The following RBFOX1 variants were observed in gnomAD, a reference collection of about 807,000 sequenced individuals.
RBFOX1 encodes RNA binding protein fox-1 homolog 1.
RBFOX1 carries 8 observed loss-of-function variants against 57.7 expected under a neutral mutation model. The observed-to-expected ratio is 0.14, with a 90% confidence interval of 0.08 to 0.25. RBFOX1 has a LOEUF of 0.25. RBFOX1 is among the 10% of genes least tolerant of loss of function. RBFOX1 has a pLI of 1.00. For synonymous variants in RBFOX1, 326 were observed against 222.4 expected, an observed-to-expected ratio of 1.47 and a Z score of -4.15; for missense variants, 611 against 548.5, an observed-to-expected ratio of 1.11 and a Z score of -1.14.
chr16:5,698,667 T>C (rs1267570808), intron 3 of RBFOX1, among the ~76,000 whole-genome samples: 2 of 152,192 alleles, frequency 1.3e-5, no homozygotes, highest in African/African-American at 4.8e-5. Context: ...AGCAATACTG[T>C]TCACCAGGGC....
chr16:5,498,821 C>T (rs1329030283), intron 2 of RBFOX1, among the ~76,000 whole-genome samples: 1 of 152,244 alleles, frequency 6.6e-6, no homozygotes, highest in African/African-American at 2.4e-5. Context: ...ACTCCCTCCC[C>T]TCCTATTATC....
intron 4 of RBFOX1, among the ~76,000 whole-genome samples, chr16:7,180,594 T>G (rs576254491): frequency 1.3e-5 from 2 of 152,266 alleles, no homozygotes; most frequent in East Asian, 3.9e-4. Context: ...TTTTCTTCCC[T>G]TTTCTGTAAA....
At chr16:6,959,341 A>G (rs757833442) in intron 3 of RBFOX1, among the ~76,000 whole-genome samples, 12 of 152,192 alleles carry the variant, frequency 7.9e-5, no homozygotes, top group Admixed American at 4.6e-4. Context: ...TATTGTTTTC[A>G]ATACATCTGA....
rs116020991 is a variant in RBFOX1, at chr16:6,797,977, T to C, written c.-16+143327T>C. 9.6e-3 allele frequency among the ~76,000 whole-genome samples: 1,460 copies of C among 152,182 alleles called. 24 individuals are homozygous for C. The highest frequency in any genetic ancestry group is 0.034 in the African/African-American group (1,402 of 41,482). Reference sequence around the variant, plus strand: ...ATGATGGTGATCACGGTGATGGTGATAGCGGTGATGGTGATGATGGGAATA... The same window carrying C: ...ATGATGGTGATCACGGTGATGGTGACAGCGGTGATGGTGATGATGGGAATA... On this transcript the variant is annotated intron_variant, in intron 3 of 15. Transcript: ENST00000550418.
chr16:6,834,573 T>C (rs1329533281), intron 3 of RBFOX1, among the ~76,000 whole-genome samples: 1 of 152,138 alleles, frequency 6.6e-6, no homozygotes, highest in Non-Finnish European at 1.5e-5. Flanking sequence ...GATTTGTTCT[T>C]AAAAAGAAAC....
chr16:6,878,166 C>T (rs958788975), intron 3 of RBFOX1, among the ~76,000 whole-genome samples: 2 of 152,124 alleles, frequency 1.3e-5, no homozygotes, highest in South Asian at 4.1e-4. Flanking sequence ...AATGTAAATA[C>T]TTCCACTTCC....
intron 3 of RBFOX1, among the ~76,000 whole-genome samples, chr16:6,920,341 C>T (rs1023680741): frequency 3.3e-5 from 5 of 152,170 alleles, no homozygotes; most frequent in African/African-American, 9.7e-5. Flanking sequence ...ATGAAGTTCA[C>T]TCCTGATATT....
At chr16:6,449,735 A>G (rs2094553007) in intron 2 of RBFOX1, among the ~76,000 whole-genome samples, 1 of 152,254 alleles carries the variant, frequency 6.6e-6, no homozygotes, top group Middle Eastern at 3.4e-3. Flanking sequence ...GAATTCAAGC[A>G]TACTGGAAAG....
intron 2 of RBFOX1, among the ~76,000 whole-genome samples, chr16:5,538,451 G>A (rs539172338): frequency 2.5e-4 from 38 of 152,168 alleles, no homozygotes; most frequent in African/African-American, 7.9e-4. Flanking sequence ...GCTTTTAGAC[G>A]AAAAATGAGG....
At chr16:7,369,634 C>T (rs969712195) in intron 4 of RBFOX1, among the ~76,000 whole-genome samples, 2 of 152,142 alleles carry the variant, frequency 1.3e-5, no homozygotes, top group Non-Finnish European at 1.5e-5. Flanking sequence ...CAATTGGATT[C>T]TAACTGTAAC....
intron 4 of RBFOX1, among the ~76,000 whole-genome samples, chr16:7,320,229 C>T (rs1377865620): frequency 6.6e-6 from 1 of 152,050 alleles, no homozygotes; most frequent in Non-Finnish European, 1.5e-5. Context: ...GCTCTCCCTT[C>T]CCCCACCACC....
intron 3 of RBFOX1, among the ~76,000 whole-genome samples, chr16:6,913,526 C>A (rs929826651): frequency 6.6e-6 from 1 of 152,160 alleles, no homozygotes; most frequent in African/African-American, 2.4e-5. Context: ...GCCCGATGCC[C>A]AGCACTGAGC....
intron 4 of RBFOX1, among the ~76,000 whole-genome samples, chr16:7,503,217 T>C (rs867281081): frequency 1.1e-4 from 17 of 152,192 alleles, no homozygotes; most frequent in Non-Finnish European, 7.3e-5. Context: ...TTTCCAAATC[T>C]AGCAAGAGAT....
At chr16:7,055,938 C>G (rs117087559) in intron 4 of RBFOX1, among the ~76,000 whole-genome samples, 1,673 of 152,294 alleles carry the variant, frequency 0.011, 16 homozygotes, top group Non-Finnish European at 0.017. Context: ...GAATTTGACA[C>G]AGATGATTTC....
intron 3 of RBFOX1, among the ~76,000 whole-genome samples, chr16:6,933,514 A>C (rs763877263): frequency 2.0e-5 from 3 of 152,226 alleles, no homozygotes; most frequent in Admixed American, 6.5e-5. Flanking sequence ...GGAGTTCCAG[A>C]CCAGCCTGAC....
intron 4 of RBFOX1, among the ~76,000 whole-genome samples, chr16:7,301,716 A>T (rs2096038569): frequency 6.6e-6 from 1 of 152,140 alleles, no homozygotes; most frequent in South Asian, 2.1e-4. Context: ...TTCTTGGGTT[A>T]TTTACAGGCT....
At chr16:6,521,634 T>A (rs1725014853) in intron 2 of RBFOX1, among the ~76,000 whole-genome samples, 1 of 152,042 alleles carries the variant, frequency 6.6e-6, no homozygotes, top group Non-Finnish European at 1.5e-5. Context: ...ATATTATGTT[T>A]CAAAGAAATA....
chr16:7,400,903 G>T (rs957282917), intron 4 of RBFOX1, among the ~76,000 whole-genome samples: 1 of 152,126 alleles, frequency 6.6e-6, no homozygotes, highest in African/African-American at 2.4e-5. Flanking sequence ...GATGATCTTT[G>T]CAACTAAAGA....
intron 3 of RBFOX1, among the ~76,000 whole-genome samples, chr16:6,826,457 G>T (rs12927089): frequency 0.12 from 17,663 of 152,152 alleles, 1,312 homozygotes; most frequent in Non-Finnish European, 0.16. Context: ...GGGTTGTTAA[G>T]AGGCTTAGAG....
Sources: allele counts gnomAD v4.1 joint callset (sites outside exome capture counted in the v4.1 genomes callset), GRCh38; gene constraint gnomAD v4.1.1; transcripts MANE v1.5; gene names NCBI Gene and HGNC (gene_info 2026-07-23, HGNC 2026-07-21).